Variants in SEMA5B observed in about 807,000 individuals in gnomAD.
The protein encoded by SEMA5B is semaphorin 5B.
Under a neutral mutation model 135.0 loss-of-function variants are expected in SEMA5B, and 66 were observed. The ratio of observed to expected loss-of-function variants is 0.49; its 90% CI spans 0.40 to 0.60. The LOEUF (loss-of-function observed/expected upper bound fraction) is 0.60, where lower values mean the gene tolerates loss of function less well. Among genes scored for constraint, SEMA5B ranks in the 20% least tolerant of loss-of-function variants. SEMA5B has a pLI of 0.00. For synonymous variants in SEMA5B, 690 were observed against 639.5 expected, an observed-to-expected ratio of 1.08 and a Z score of -1.19; for missense variants, 1,501 against 1,566.3, an observed-to-expected ratio of 0.96 and a Z score of 0.70.
intron 12 of SEMA5B, among the ~76,000 whole-genome samples, chr3:122,917,041 G>C (rs189444271): frequency 6.6e-6 from 1 of 152,322 alleles, no homozygotes; most frequent in African/African-American, 2.4e-5. Context: ...CTTGAAAGGG[G>C]AGAAAAAGTC....
intron 1 of SEMA5B, among the ~76,000 whole-genome samples, chr3:123,023,982 G>A (rs573359109): frequency 2.0e-5 from 3 of 152,204 alleles, no homozygotes; most frequent in East Asian, 3.8e-4. Flanking sequence ...TACTGCCAGG[G>A]TATAGGTGGT....
chr3:123,023,989 T>C (rs1289949229), intron 1 of SEMA5B, among the ~76,000 whole-genome samples: 5 of 152,162 alleles, frequency 3.3e-5, no homozygotes, highest in African/African-American at 9.7e-5. Flanking sequence ...AGGGTATAGG[T>C]GGTGGGGCAC....
In SEMA5B at chr3:122,911,062, AGGTAGTAAGATGAGG is replaced by A; in HGVS notation, c.3092-32_3092-18del. ...GATTGAACCCTAGGGGAAGAGAGGC[AGGTAGTAAGATGAGG>A]GCCACTGTGAAGAGGACAGACTCCT... On this transcript the variant is annotated intron_variant, in intron 21 of 22. Coordinates refer to ENST00000357599, the MANE Select transcript of SEMA5B (RefSeq NM_001031702.4). 6.3e-7 allele frequency: 1 copy of A among 1,597,370 alleles called. No homozygotes were observed.
chr3:122,963,590 G>A (rs989381072), intron 1 of SEMA5B, among the ~76,000 whole-genome samples: 2 of 152,032 alleles, frequency 1.3e-5, no homozygotes, highest in African/African-American at 4.8e-5. Context: ...GAATCCAAAT[G>A]GCCTGAAAGA....
At chr3:123,017,135 G>A (rs1265261858) in intron 1 of SEMA5B, among the ~76,000 whole-genome samples, 2 of 151,840 alleles carry the variant, frequency 1.3e-5, no homozygotes, top group Admixed American at 6.6e-5. Context: ...TGATCTGCCC[G>A]CCTCAGCCTC....
intron 1 of SEMA5B, among the ~76,000 whole-genome samples, chr3:123,014,271 C>G (rs770924413): frequency 6.6e-6 from 1 of 152,110 alleles, no homozygotes; most frequent in Non-Finnish European, 1.5e-5. Context: ...AGACTCTAAA[C>G]GAAGGCTAGT....
intron 5 of SEMA5B, among the ~76,000 whole-genome samples, chr3:122,932,243 ATTTTTTT>A (rs71136597): frequency 1.3e-4 from 11 of 85,390 alleles, no homozygotes; most frequent in South Asian, 1.1e-3. Flanking sequence ...TCTCAATATG[ATTTTTTT>A]TTTTTTTTTT....
chr3:122,910,910 G>T lies in SEMA5B; in HGVS notation c.3227C>A (p.Thr1076Asn). 6.2e-7 allele frequency: 1 copy of T among 1,613,828 alleles called. No individual in the cohort carries two copies. Among genetic ancestry groups the T allele is most frequent in the Non-Finnish European group, 8.5e-7 (1 of 1,180,012 alleles). ...GCCCTTGTAGTGCAAATGGTTGGGG[G>T]TGGCAGGATGGACCAGTGTGGACTC... ...SQESTLVHPA[T>N]PNHLHYKGGG... Residue 1076 changes from threonine to asparagine, a missense_variant, in exon 22 of 23, where the codon ACC becomes AAC. By Grantham distance (65) the Thr-to-Asn change is moderately conservative (BLOSUM62 0). Around this residue, in one of 2 missense-constraint regions of SEMA5B, gnomAD observed 927 missense variants for 881.6 expected, o/e 1.05. Transcript: ENST00000357599.
At chr3:122,952,989 C>T (rs1177513963) in intron 2 of SEMA5B, among the ~76,000 whole-genome samples, 1 of 152,212 alleles carries the variant, frequency 6.6e-6, no homozygotes, top group Non-Finnish European at 1.5e-5. Context: ...TTCCCAAACC[C>T]CCTTCCTACA....
intron 1 of SEMA5B, among the ~76,000 whole-genome samples, chr3:123,016,138 A>C (rs1269073411): frequency 6.6e-6 from 1 of 152,174 alleles, no homozygotes; most frequent in East Asian, 1.9e-4. Context: ...CTGGCAGCCC[A>C]AGCCTTAATT....
intron 1 of SEMA5B, among the ~76,000 whole-genome samples, chr3:122,970,341 T>C (rs752330261): frequency 6.6e-6 from 1 of 152,220 alleles, no homozygotes; most frequent in Admixed American, 6.5e-5. Context: ...CTCACACTAA[T>C]GTGCATCAGA....
At chr3:122,926,274 A>G in intron 9 of SEMA5B, 118 bp downstream of exon 9, 1 of 995,182 alleles carries the variant, frequency 1.0e-6, no homozygotes, top group Non-Finnish European at 1.5e-6. Context: ...CAAAATCCTC[A>G]GATGACCCCC....
At chr3:122,994,282 C>T (rs1941969785) in intron 1 of SEMA5B, among the ~76,000 whole-genome samples, 3 of 152,174 alleles carry the variant, frequency 2.0e-5, no homozygotes, top group African/African-American at 4.8e-5. Context: ...TCGTCTCTCC[C>T]TCTCCTGTAA....
rs1937769154 is a variant in SEMA5B at position 122,912,257 on chromosome 3, G to A, written c.2811C>T (p.Cys937=). ...GGGHYQRTRS[C]TSPAPSPGED... is the part of the protein sequence containing the mutation. ...CACCTGGGGAGGGTGCGGGGCTGGT[G>A]CAGGAACGGGTGCGTTGATAGTGAC... The change falls in exon 19 of 23, where the codon TGC becomes TGT. Residue 937 remains cysteine, a synonymous_variant. Coordinates refer to ENST00000357599, the MANE Select transcript of SEMA5B (RefSeq NM_001031702.4). The A allele has an allele frequency of 1.9e-6, 3 of 1,612,308 alleles. 1 individual carries two copies. In the South Asian group the frequency reaches 3.3e-5, roughly 18 times the overall value.
intron 8 of SEMA5B, among the ~76,000 whole-genome samples, chr3:122,927,387 C>G (rs1246592746): frequency 6.6e-6 from 1 of 152,122 alleles, no homozygotes; most frequent in Non-Finnish European, 1.5e-5. Context: ...GAGACAGGGT[C>G]TTGCTATGTT....
chr3:123,018,954 T>C (rs1011082301), intron 1 of SEMA5B, among the ~76,000 whole-genome samples: 1 of 152,124 alleles, frequency 6.6e-6, no homozygotes, highest in African/African-American at 2.4e-5. Flanking sequence ...TTTTCTAGCA[T>C]GGGTTACCTG....
chr3:122,983,130 G>C (rs937606118), intron 1 of SEMA5B, among the ~76,000 whole-genome samples: 2 of 152,140 alleles, frequency 1.3e-5, no homozygotes, highest in Non-Finnish European at 2.9e-5. Context: ...CCTCCTGCTG[G>C]TCAGAAGAGG....
rs368037846 is a variant in SEMA5B, at chr3:122,945,686, G to C, written c.329-2151C>G. Among the ~76,000 whole-genome samples the C allele has an allele frequency of 4.7e-4, 71 of 152,276 alleles. No homozygotes were observed. In the East Asian group the frequency reaches 0.011, roughly 24 times the overall value. On this transcript the variant is annotated intron_variant, in intron 3 of 22. Coordinates refer to ENST00000357599, the MANE Select transcript of SEMA5B (RefSeq NM_001031702.4). ...AACAAGGGCATTCCAGATGTAGGCA[G>C]CTAAATGAGGGAGGAGGTGGCATGA...
At chr3:122,981,183 C>G (rs1941510828) in intron 1 of SEMA5B, among the ~76,000 whole-genome samples, 1 of 152,232 alleles carries the variant, frequency 6.6e-6, no homozygotes, top group African/African-American at 2.4e-5. Flanking sequence ...CAGGGGACTG[C>G]CCTCCCTCCC....
Sources: allele counts gnomAD v4.1 joint callset (sites outside exome capture counted in the v4.1 genomes callset), GRCh38; gene constraint gnomAD v4.1.1; regional missense constraint gnomAD v4.1.1; transcripts MANE v1.5; gene names NCBI Gene and HGNC (gene_info 2026-07-23, HGNC 2026-07-21).